Variants in TAF1B observed in about 807,000 individuals in gnomAD.
TAF1B encodes TATA box-binding protein-associated factor RNA polymerase I subunit B.
Under a neutral mutation model 83.9 loss-of-function variants are expected in TAF1B, and 61 were observed. That is an observed-to-expected ratio of 0.73 (90% confidence interval 0.59 to 0.90). The LOEUF (loss-of-function observed/expected upper bound fraction) is 0.90. Ranked by LOEUF, TAF1B falls within the 40% of genes least tolerant of loss-of-function variation. TAF1B has a pLI of 0.00. For missense variants in TAF1B, 625 were observed against 677.0 expected (o/e 0.92, Z 0.85); for synonymous variants, 221 against 224.6 (o/e 0.98, Z 0.14).
intron 2 of TAF1B, chr2:9,845,973 ACT>A (rs139410585): frequency 0.074 from 32,675 of 440,772 alleles, 1,660 homozygotes; most frequent in East Asian, 0.18. Context: ...GCAGAGCAAG[ACT>A]CTGTCTAAAA....
At chr2:9,881,351 T>C (rs1664501555) in intron 7 of TAF1B, among the ~76,000 whole-genome samples, 1 of 152,044 alleles carries the variant, frequency 6.6e-6, no homozygotes, top group Non-Finnish European at 1.5e-5. Flanking sequence ...AAAAAAAGTG[T>C]TGAATCAGTT....
intron 14 of TAF1B, among the ~76,000 whole-genome samples, chr2:9,922,996 C>T (rs1665924338): frequency 6.6e-6 from 1 of 152,166 alleles, no homozygotes; most frequent in Non-Finnish European, 1.5e-5. Context: ...GTAATCCTAG[C>T]ACTTAGGGAG....
chr2:9,910,498 A>G (rs1399555840), intron 9 of TAF1B, among the ~76,000 whole-genome samples: 1 of 152,182 alleles, frequency 6.6e-6, no homozygotes, highest in Non-Finnish European at 1.5e-5. Flanking sequence ...AGATGCCAGG[A>G]TGTGTCCTAG....
At chr2:9,897,989 C>T (rs748091849) in intron 8 of TAF1B, among the ~76,000 whole-genome samples, 1 of 151,410 alleles carries the variant, frequency 6.6e-6, no homozygotes, top group Admixed American at 6.6e-5. Flanking sequence ...CCCCCCACCC[C>T]GCCCCCAGCT....
At chr2:9,916,387 C>G (rs574969069) in intron 12 of TAF1B, among the ~76,000 whole-genome samples, 11 of 152,310 alleles carry the variant, frequency 7.2e-5, no homozygotes, top group African/African-American at 2.6e-4. Context: ...TTTCAGGTAT[C>G]TGAACACTTA....
chr2:9,888,053 G>T (rs1664733529), intron 8 of TAF1B, among the ~76,000 whole-genome samples: 3 of 152,034 alleles, frequency 2.0e-5, no homozygotes, highest in South Asian at 2.1e-4. Context: ...ACGTGGTCTT[G>T]CAGTGATGCC....
intron 12 of TAF1B, 80 bp downstream of exon 12, chr2:9,913,329 C>A (rs751095290): frequency 3.5e-6 from 4 of 1,146,404 alleles, no homozygotes; most frequent in Non-Finnish European, 5.2e-6. Context: ...GAAGCTTCAT[C>A]AGTATACACT....
chr2:9,903,668 G>A (rs1027297053), intron 8 of TAF1B, among the ~76,000 whole-genome samples: 11 of 152,186 alleles, frequency 7.2e-5, no homozygotes, highest in Non-Finnish European at 1.0e-4. Flanking sequence ...CATGTGGAAA[G>A]CACGTGAATA....
At chr2:9,850,296 A>G (rs76686159) in intron 3 of TAF1B, among the ~76,000 whole-genome samples, 6,701 of 152,266 alleles carry the variant, frequency 0.044, 194 homozygotes, top group Non-Finnish European at 0.067. Context: ...TTAGGTGTTA[A>G]GTATCTTATA....
intron 7 of TAF1B, among the ~76,000 whole-genome samples, chr2:9,877,412 T>C (rs1664351663): frequency 1.3e-5 from 2 of 152,288 alleles, no homozygotes; most frequent in South Asian, 4.1e-4. Context: ...AGCCTAGGAA[T>C]CATCCTTGAC....
At chr2:9,894,987 T>C (rs1664974394) in intron 8 of TAF1B, among the ~76,000 whole-genome samples, 2 of 152,254 alleles carry the variant, frequency 1.3e-5, no homozygotes, top group South Asian at 4.1e-4. Context: ...TTACCAGCTC[T>C]GATCCTGGGG....
chr2:9,933,749 T>A (rs867562755), intron 14 of TAF1B, 34 bp from the exon 15 acceptor site: 1 of 1,557,064 alleles, frequency 6.4e-7, no homozygotes, highest in African/African-American at 1.4e-5. Flanking sequence ...GGTTACCATC[T>A]AAAGATAAAT....
At chr2:9,931,536 A>G (rs1666212014) in intron 14 of TAF1B, among the ~76,000 whole-genome samples, 1 of 152,206 alleles carries the variant, frequency 6.6e-6, no homozygotes. Context: ...CCGAGAGATC[A>G]GCTGTTAGTC....
At chr2:9,850,905 T>C (rs879648856) in intron 3 of TAF1B, among the ~76,000 whole-genome samples, 8 of 152,208 alleles carry the variant, frequency 5.3e-5, no homozygotes, top group African/African-American at 1.2e-4. Context: ...TCAGTATTAG[T>C]ACCTTGCTTT....
At chr2:9,882,302 A>G (rs776787670) in intron 7 of TAF1B, among the ~76,000 whole-genome samples, 55 of 151,928 alleles carry the variant, frequency 3.6e-4, no homozygotes, top group Non-Finnish European at 6.8e-4. Flanking sequence ...GTTTCACCAT[A>G]TTGGCCAGGC....
At chr2:9,865,750 G>A (rs1467805118) in intron 5 of TAF1B, among the ~76,000 whole-genome samples, 1 of 151,440 alleles carries the variant, frequency 6.6e-6, no homozygotes, top group Non-Finnish European at 1.5e-5. Context: ...ACAGACCAAT[G>A]GAACAGAACA....
At chr2:9,859,623 G>A (rs62127564) in intron 5 of TAF1B, among the ~76,000 whole-genome samples, 36,740 of 151,910 alleles carry the variant, frequency 0.24, 5,014 homozygotes, top group East Asian at 0.31. Context: ...CCTGACCACA[G>A]GTCAGGCCCA....
chr2:9,844,224 C>A (rs1216090766), intron 1 of TAF1B: 1 of 151,414 alleles, frequency 6.6e-6, no homozygotes, highest in Non-Finnish European at 1.5e-5. Flanking sequence ...GATCACGGCT[C>A]ACTGCAGCCT....
intron 12 of TAF1B, among the ~76,000 whole-genome samples, chr2:9,918,466 A>ACTC (rs1665760698): frequency 6.6e-6 from 1 of 152,110 alleles, no homozygotes; most frequent in Non-Finnish European, 1.5e-5. Context: ...TACAGTGGAA[A>ACTC]CTCCCTGGCC....
Sources: allele counts gnomAD v4.1 joint callset (sites outside exome capture counted in the v4.1 genomes callset), GRCh38; gene constraint gnomAD v4.1.1; transcripts MANE v1.5; gene names NCBI Gene and HGNC (gene_info 2026-07-23, HGNC 2026-07-21).